The following MAP3K5 variants were observed in gnomAD, a reference collection of about 807,000 sequenced individuals.
The protein encoded by MAP3K5 is ASK-1.
In MAP3K5, 56 loss-of-function variants were observed where a neutral mutation model predicts 158.7. The ratio of observed to expected loss-of-function variants is 0.35; its 90% CI spans 0.28 to 0.44. The LOEUF (loss-of-function observed/expected upper bound fraction) is 0.44, where lower values mean the gene tolerates loss of function less well. MAP3K5 is among the 20% of genes least tolerant of loss of function. MAP3K5 has a pLI of 1.00. For synonymous variants in MAP3K5, 579 were observed against 601.7 expected (o/e 0.96, Z 0.55); for missense variants, 1,294 against 1,674.8 (o/e 0.77, Z 3.97).
intron 25 of MAP3K5, among the ~76,000 whole-genome samples, chr6:136,576,845 G>T (rs1284383575): frequency 1.3e-5 from 2 of 152,068 alleles, no homozygotes; most frequent in South Asian, 2.1e-4. Flanking sequence ...TATACCTTTT[G>T]TATGTTCAGA....
intron 23 of MAP3K5, among the ~76,000 whole-genome samples, chr6:136,591,825 C>T (rs1385710617): frequency 6.6e-6 from 1 of 152,146 alleles, no homozygotes; most frequent in Non-Finnish European, 1.5e-5. Flanking sequence ...TCAGAATTAG[C>T]AACTCACATG....
intron 10 of MAP3K5, among the ~76,000 whole-genome samples, chr6:136,652,361 G>A (rs887487437): frequency 1.3e-5 from 2 of 152,050 alleles, no homozygotes; most frequent in Non-Finnish European, 2.9e-5. Flanking sequence ...AAATAAGATG[G>A]GCTATGCAAC....
intron 14 of MAP3K5, among the ~76,000 whole-genome samples, chr6:136,636,598 G>A (rs1000706551): frequency 6.6e-6 from 1 of 152,132 alleles, no homozygotes; most frequent in African/African-American, 2.4e-5. Flanking sequence ...GTGGAGGAAG[G>A]CTCTTCTTCA....
chr6:136,716,023 G>T (rs1010549449), intron 2 of MAP3K5, among the ~76,000 whole-genome samples: 1 of 14,700 alleles, frequency 6.8e-5, no homozygotes. Context: ...AAGCAAGATC[G>T]TCTCAAAAAA....
rs1398810036 is a variant in MAP3K5, at chr6:136,609,258, C to T, written c.2521+2024G>A. 2.6e-5 allele frequency among the ~76,000 whole-genome samples: 4 copies of T among 152,108 alleles called. No homozygotes were observed. The highest frequency in any genetic ancestry group is 9.7e-5 in the African/African-American group (4 of 41,414). ...GAGTAAGAGGAAAGAAATGTAAAGACATTTGAAGTTATTAATAGGTCAGAA... is the reference window on the plus strand; with the variant it reads ...GAGTAAGAGGAAAGAAATGTAAAGATATTTGAAGTTATTAATAGGTCAGAA... On this transcript the variant is annotated intron_variant, in intron 18 of 29. Transcript: ENST00000359015. The surrounding 1 kb of genome is among the most constrained non-coding windows in gnomAD (Gnocchi z 4.4).
intron 1 of MAP3K5, among the ~76,000 whole-genome samples, chr6:136,734,991 C>T (rs1782394133): frequency 6.6e-6 from 1 of 152,162 alleles, no homozygotes; most frequent in Non-Finnish European, 1.5e-5. Flanking sequence ...CATACTCTTA[C>T]CTAATCGTCC....
At chr6:136,687,104 C>T (rs968221576) in intron 7 of MAP3K5, among the ~76,000 whole-genome samples, 12 of 152,138 alleles carry the variant, frequency 7.9e-5, no homozygotes, top group Non-Finnish European at 1.8e-4. Flanking sequence ...CAACAGAGGC[C>T]TCAGAAATAC....
At chr6:136,634,219 G>A (rs1036534440) in intron 14 of MAP3K5, among the ~76,000 whole-genome samples, 8 of 152,196 alleles carry the variant, frequency 5.3e-5, no homozygotes, top group African/African-American at 1.9e-4. Context: ...AGAGTTATAA[G>A]TTATGCAAAA....
intron 14 of MAP3K5, among the ~76,000 whole-genome samples, chr6:136,626,779 G>GGA (rs1554288043): frequency 7.5e-5 from 11 of 146,074 alleles, no homozygotes; most frequent in African/African-American, 2.8e-4. Context: ...AATCTTAAAG[G>GGA]AAAAAAAAAA....
At chr6:136,769,663 T>A (rs1209884862) in intron 1 of MAP3K5, among the ~76,000 whole-genome samples, 1 of 148,534 alleles carries the variant, frequency 6.7e-6, no homozygotes, top group Non-Finnish European at 1.5e-5. Flanking sequence ...CATATCACAT[T>A]CACTTTTTAT....
rs142565686 is a variant in MAP3K5, at chr6:136,593,808, A to C, written c.2879-1194T>G. 307 of 385,874 alleles carry C rather than the reference A, an allele frequency of 8.0e-4. 2 individuals carry two copies. Among genetic ancestry groups the C allele is most frequent in the African/African-American group, 5.9e-3 (279 of 46,966 alleles). 23.9% of individuals were successfully genotyped at this position (385,874 alleles called of 1,614,324 possible). A position where few individuals can be genotyped will look rare whatever the true frequency, so the allele number is the denominator to read the frequency against. ...ACAAAAGCATTTTAATAAAGAATGA[A>C]GGTATAAAATTATAGAAAAGGAAAT... On this transcript the variant is annotated intron_variant, in intron 21 of 29. Coordinates refer to ENST00000359015, the MANE Select transcript of MAP3K5 (RefSeq NM_005923.4).
At chr6:136,561,415 A>G in intron 28 of MAP3K5, 118 bp downstream of exon 28, 2 of 670,986 alleles carry the variant, frequency 3.0e-6, no homozygotes, top group South Asian at 3.6e-5. Context: ...AAGCCTCAGG[A>G]GGGCAGGGCT....
chr6:136,571,949 C>CT (rs1774388360), intron 25 of MAP3K5, among the ~76,000 whole-genome samples: 2 of 152,312 alleles, frequency 1.3e-5, no homozygotes, highest in South Asian at 4.1e-4. Flanking sequence ...CACCTCTACT[C>CT]TATCTCATCT....
chr6:136,611,159 A>G (rs1354504423), intron 18 of MAP3K5, 123 bp downstream of exon 18: 5 of 503,602 alleles, frequency 9.9e-6, no homozygotes, highest in African/African-American at 1.9e-5. Context: ...GAAAAGAAAG[A>G]AAAAAGATAC....
chr6:136,753,857 G>A (rs1247896544), intron 1 of MAP3K5, among the ~76,000 whole-genome samples: 1 of 152,240 alleles, frequency 6.6e-6, no homozygotes. Context: ...GCAGCGTCAG[G>A]CAGGGCTTTG....
chr6:136,782,055 G>GAA (rs376414394), intron 1 of MAP3K5, among the ~76,000 whole-genome samples: 4 of 132,774 alleles, frequency 3.0e-5, no homozygotes, highest in African/African-American at 5.6e-5. Context: ...GTCTCTACTG[G>GAA]AAAAAAAAAA....
chr6:136,582,263 C>CGTGTGTGTGTGTGT (rs61451347), intron 24 of MAP3K5, among the ~76,000 whole-genome samples: 2 of 138,026 alleles, frequency 1.4e-5, no homozygotes, highest in African/African-American at 2.7e-5. Context: ...TGTGTGTATA[C>CGTGTGTGTGTGTGT]GTGTGTGTGT....
In MAP3K5 at chr6:136,668,861, T is replaced by C. The variant is rs373406830; in HGVS notation, c.1366+422A>G. Among the ~76,000 whole-genome samples, 11 of 151,914 alleles carry C rather than the reference T, an allele frequency of 7.2e-5. No homozygotes were observed. The East Asian group carries it at 1.4e-3, about 19-fold the overall frequency. On this transcript the variant is annotated intron_variant, in intron 8 of 29. Coordinates refer to ENST00000359015, the MANE Select transcript of MAP3K5 (RefSeq NM_005923.4). ...TCTTCCCCCAACACCGGTGAAATCA[T>C]AGGGAAAGGTGTGCTTGAGAAACAG...
At chr6:136,629,613 C>A (rs1473985503) in intron 14 of MAP3K5, among the ~76,000 whole-genome samples, 1 of 151,960 alleles carries the variant, frequency 6.6e-6, no homozygotes, top group Non-Finnish European at 1.5e-5. Context: ...CGCCACCACA[C>A]CCAGCTAATT....
Sources: gnomAD v4.1 joint callset for allele counts (sites outside exome capture counted in the v4.1 genomes callset) on GRCh38, gnomAD v4.1.1 for gene constraint, Gnocchi (gnomAD v3.1) non-coding constraint, MANE v1.5 for transcripts, NCBI Gene and HGNC (gene_info 2026-07-23, HGNC 2026-07-21) for gene names.